MINDY2: variants seen among roughly 807,000 people sequenced by gnomAD.
MINDY2 encodes ubiquitin carboxyl-terminal hydrolase MINDY-2.
MINDY2 carries 52 observed loss-of-function variants against 68.2 expected under a neutral mutation model. The ratio of observed to expected loss-of-function variants is 0.76; its 90% CI spans 0.61 to 0.96. The LOEUF is 0.96. MINDY2 is among the 40% of genes least tolerant of loss of function. The pLI is 0.00. For synonymous variants in MINDY2, 372 were observed against 303.0 expected, an observed-to-expected ratio of 1.23 and a Z score of -2.36; for missense variants, 881 against 773.4, an observed-to-expected ratio of 1.14 and a Z score of -1.65.
At chr15:58,835,418 C>T (rs1252989741) in intron 6 of MINDY2, among the ~76,000 whole-genome samples, 1 of 152,014 alleles carries the variant, frequency 6.6e-6, no homozygotes. Flanking sequence ...TTTAGGAGGC[C>T]GAGGCGGGTG....
intron 1 of MINDY2, among the ~76,000 whole-genome samples, chr15:58,773,135 G>GAA (rs5812950): frequency 0.024 from 3,547 of 150,302 alleles, 47 homozygotes; most frequent in Middle Eastern, 0.045. Context: ...TGTTTCCTAG[G>GAA]AAAAAAAAAC....
chr15:58,791,364 C>T (rs1295408436), intron 2 of MINDY2, among the ~76,000 whole-genome samples: 3 of 151,040 alleles, frequency 2.0e-5, no homozygotes, highest in African/African-American at 4.8e-5. Flanking sequence ...TAGCCACATG[C>T]GGTCCTCAAG....
In MINDY2 at chr15:58,771,793, C is replaced by A. The variant is rs753675620; in HGVS notation, c.398C>A (p.Pro133Gln). Residue 133 changes from proline (P) to glutamine (Q), a missense_variant, in exon 1 of 9, where the codon CCG (proline) becomes CAG (glutamine). Pro to Gln is a moderately conservative substitution (Grantham distance 76). Transcript: ENST00000559228. ...ACCGCCGGAGACGCGGGAGCCCGCC[C>A]GGATCTCGCCGGCACCTGCCAAGCA... ...LGTAGDAGAR[P>Q]DLAGTCQAEL... The A allele has an allele frequency of 6.2e-7, 1 of 1,609,766 alleles. No homozygotes were observed. Among genetic ancestry groups the A allele is most frequent in the East Asian group, 2.2e-5 (1 of 44,812 alleles).
intron 6 of MINDY2, among the ~76,000 whole-genome samples, chr15:58,836,163 G>A (rs2031983483): frequency 6.6e-6 from 1 of 151,972 alleles, no homozygotes; most frequent in African/African-American, 2.4e-5. Flanking sequence ...GCCTGCCTCG[G>A]CCTCCCAAAG....
intron 6 of MINDY2, among the ~76,000 whole-genome samples, chr15:58,844,139 C>G (rs1279913197): frequency 6.6e-6 from 1 of 152,132 alleles, no homozygotes; most frequent in African/African-American, 2.4e-5. Context: ...AAGAAATATT[C>G]TTGATAGTGA....
chr15:58,815,515 A>G (rs1477028047), intron 4 of MINDY2: 3 of 151,616 alleles, frequency 2.0e-5, no homozygotes, highest in African/African-American at 7.3e-5. Flanking sequence ...ACGCCTGGCA[A>G]TTTTTGTATT....
intron 5 of MINDY2, among the ~76,000 whole-genome samples, chr15:58,828,573 T>A (rs2031539912): frequency 6.9e-6 from 1 of 145,460 alleles, no homozygotes; most frequent in Non-Finnish European, 1.5e-5. Context: ...ATTATTGAAT[T>A]TCTTTTTTTT....
At chr15:58,845,843 A>G (rs2032502517) in intron 6 of MINDY2, among the ~76,000 whole-genome samples, 1 of 152,370 alleles carries the variant, frequency 6.6e-6, no homozygotes, top group Middle Eastern at 3.4e-3. Flanking sequence ...GTACACATAC[A>G]CAACGGAGCA....
chr15:58,859,453 G>A lies in MINDY2; in HGVS notation c.*4843G>A, dbSNP rs2033154825. The A allele has an allele frequency of 6.6e-6, 1 of 152,086 alleles. No homozygotes were observed. 9.4% of individuals were successfully genotyped at this position (152,086 alleles called of 1,614,324 possible). On this transcript the variant is annotated 3_prime_UTR_variant, in exon 9 of 9. Coordinates refer to ENST00000559228, the MANE Select transcript of MINDY2 (RefSeq NM_001040450.3). Reference sequence around the variant, plus strand: ...ATAATGTGAAGTTAAATCCCTTTTAGAAAGTGACTGAAAATGGTAAAGGAA... The same window carrying A: ...ATAATGTGAAGTTAAATCCCTTTTAAAAAGTGACTGAAAATGGTAAAGGAA...
intron 4 of MINDY2, among the ~76,000 whole-genome samples, chr15:58,815,970 G>A (rs1297649990): frequency 2.0e-5 from 3 of 152,130 alleles, no homozygotes; most frequent in African/African-American, 4.8e-5. Context: ...GAGCCACCAC[G>A]CCCAGCCAAA....
At chr15:58,854,103 G>A (rs1194559003) in intron 8 of MINDY2, among the ~76,000 whole-genome samples, 1 of 151,946 alleles carries the variant, frequency 6.6e-6, no homozygotes, top group Non-Finnish European at 1.5e-5. Flanking sequence ...AGTTAGCCAG[G>A]CGTGGTGGCA....
chr15:58,822,561 T>G (rs1226588798), intron 5 of MINDY2, among the ~76,000 whole-genome samples: 1 of 152,212 alleles, frequency 6.6e-6, no homozygotes, highest in Non-Finnish European at 1.5e-5. Flanking sequence ...TATTTCAGTA[T>G]AATACAATAT....
At chr15:58,784,766 CGT>C (rs1901375372) in intron 1 of MINDY2, among the ~76,000 whole-genome samples, 2 of 151,662 alleles carry the variant, frequency 1.3e-5, no homozygotes, top group African/African-American at 4.8e-5. Context: ...ACTACAGGCA[CGT>C]GCCACCACAC....
chr15:58,774,449 A>G (rs1465711993), intron 1 of MINDY2, among the ~76,000 whole-genome samples: 1 of 147,990 alleles, frequency 6.8e-6, no homozygotes, highest in Non-Finnish European at 1.5e-5. Context: ...ACGCCACTGC[A>G]CTCCAGCCTG....
At position 58,771,864 on chromosome 15, in the gene MINDY2, C is replaced by G. The variant is rs1301487110; in HGVS notation, c.469C>G (p.Leu157Val). The change falls in exon 1 of 9, where the codon CTC (leucine) becomes GTC (valine). Residue 157 changes from leucine (L) to valine (V), a missense_variant. Coordinates refer to ENST00000559228, the MANE Select transcript of MINDY2 (RefSeq NM_001040450.3). ...GSEEPSSAGG[L>V]SSSCSDPSPP... is the part of the protein sequence containing the mutation. ...CGAAGAGCCCAGCAGCGCCGGCGGC[C>G]TCAGCAGCAGTTGCAGCGACCCGAG... The G allele has an allele frequency of 1.9e-6, 3 of 1,587,246 alleles. No individual in the cohort carries two copies. Among genetic ancestry groups the G allele is most frequent in the Admixed American group, 1.8e-5 (1 of 55,360 alleles).
chr15:58,851,822 A>G lies in MINDY2; in HGVS notation c.1594A>G (p.Asn532Asp). ...LQQEQQSQEINWEQIPEGISD... is the reference protein window; with the variant it reads ...LQQEQQSQEIDWEQIPEGISD... ...ACAAGAACAGCAGAGCCAAGAGATCAATTGGGAACAAATCCCGGAAGGAAT... is the reference window on the plus strand; with the variant it reads ...ACAAGAACAGCAGAGCCAAGAGATCGATTGGGAACAAATCCCGGAAGGAAT... The change falls in exon 8 of 9, where the codon AAT becomes GAT. Residue 532 changes from asparagine (N) to aspartate (D), a missense_variant. Transcript: ENST00000559228. 1 of 1,611,394 alleles carries G rather than the reference A, an allele frequency of 6.2e-7. No homozygotes were observed. The highest frequency in any genetic ancestry group is 8.5e-7 in the Non-Finnish European group (1 of 1,179,310).
intron 4 of MINDY2, among the ~76,000 whole-genome samples, chr15:58,812,305 CAGGCGCCTGTAA>C (rs2030337735): frequency 2.0e-5 from 3 of 151,838 alleles, no homozygotes; most frequent in Non-Finnish European, 2.9e-5. Flanking sequence ...GGTGCAGTGG[CAGGCGCCTGTAA>C]TCCTAGCTAC....
intron 3 of MINDY2, among the ~76,000 whole-genome samples, chr15:58,809,316 A>G (rs1267199303): frequency 6.6e-6 from 1 of 152,188 alleles, no homozygotes; most frequent in African/African-American, 2.4e-5. Flanking sequence ...TATAAGTAGA[A>G]TCATACAGTA....
At chr15:58,795,757 G>A (rs1902242424) in intron 2 of MINDY2, among the ~76,000 whole-genome samples, 3 of 149,292 alleles carry the variant, frequency 2.0e-5, no homozygotes, top group Admixed American at 6.8e-5. Flanking sequence ...AACCATTATA[G>A]TGTCTAAGTT....
Sources: allele counts gnomAD v4.1 joint callset (sites outside exome capture counted in the v4.1 genomes callset), GRCh38; gene constraint gnomAD v4.1.1; transcripts MANE v1.5; gene names NCBI Gene and HGNC (gene_info 2026-07-23, HGNC 2026-07-21).